EGFR: variants seen among roughly 807,000 people sequenced by gnomAD.
EGFR encodes avian erythroblastic leukemia viral (v-erb-b) oncogene homolog.
EGFR carries 58 observed loss-of-function variants against 143.0 expected under a neutral mutation model. The observed-to-expected ratio is 0.41, with a 90% CI of 0.33 to 0.50. The LOEUF is 0.50. Ranked by LOEUF, EGFR falls within the 20% of genes least tolerant of loss-of-function variation. EGFR has a pLI of 0.39. For missense variants in EGFR, 1,307 were observed against 1,579.0 expected (o/e 0.83, Z 2.92); for synonymous variants, 613 against 594.4 (o/e 1.03, Z -0.45).
At chr7:55,192,706 C>T in intron 21 of EGFR, 60 bp from the exon 22 acceptor site, 1 of 1,531,902 alleles carries the variant, frequency 6.5e-7, no homozygotes, top group Non-Finnish European at 9.0e-7. Context: ...AGTGAGTTAA[C>T]TTTTTCCAAC....
At chr7:55,115,882 A>G (rs1201733639) in intron 1 of EGFR, among the ~76,000 whole-genome samples, 1 of 152,222 alleles carries the variant, frequency 6.6e-6, no homozygotes, top group African/African-American at 2.4e-5. Context: ...GTTTGCCATA[A>G]CTTTAAGTTT....
intron 1 of EGFR, among the ~76,000 whole-genome samples, chr7:55,022,698 A>G (rs1377984763): frequency 1.3e-5 from 2 of 152,232 alleles, no homozygotes; most frequent in African/African-American, 4.8e-5. Context: ...TTAGACCCAC[A>G]CTGCCGTAGC....
intron 1 of EGFR, among the ~76,000 whole-genome samples, chr7:55,115,063 AG>A (rs1307219195): frequency 2.0e-5 from 3 of 151,920 alleles, no homozygotes; most frequent in African/African-American, 7.3e-5. Context: ...TTGTATTTTT[AG>A]TAGAGACGGG....
chr7:55,190,299 T>C (rs933920070), intron 20 of EGFR, among the ~76,000 whole-genome samples: 6 of 152,176 alleles, frequency 3.9e-5, no homozygotes, highest in African/African-American at 1.4e-4. Flanking sequence ...GAGGGGACAG[T>C]CCATGTAGTC....
At chr7:55,203,631 CCACACATA>C (rs1023986317) in intron 27 of EGFR, among the ~76,000 whole-genome samples, 12 of 139,912 alleles carry the variant, frequency 8.6e-5, no homozygotes, top group Non-Finnish European at 1.6e-4. Context: ...ACACACTACA[CCACACATA>C]CACACACACA....
intron 1 of EGFR, among the ~76,000 whole-genome samples, chr7:55,122,232 T>C (rs1009445637): frequency 2.0e-5 from 3 of 152,214 alleles, no homozygotes; most frequent in African/African-American, 7.2e-5. Flanking sequence ...TAGTCCTCCG[T>C]CGACCTTGGC....
intron 1 of EGFR, among the ~76,000 whole-genome samples, chr7:55,100,991 C>T (rs1791782822): frequency 6.6e-6 from 1 of 152,264 alleles, no homozygotes; most frequent in Admixed American, 6.5e-5. Flanking sequence ...TGCTTTTCCA[C>T]CACACAAAAC....
intron 3 of EGFR, among the ~76,000 whole-genome samples, chr7:55,145,239 G>A (rs1000116619): frequency 1.3e-5 from 2 of 152,182 alleles, no homozygotes; most frequent in Admixed American, 6.5e-5. Context: ...TCTTTGGTCT[G>A]TTGTCCGAGC....
rs41368044 is a variant in EGFR, at chr7:55,156,371, C to G, written c.1007-162C>G. Among the ~76,000 whole-genome samples, 257 of 152,352 alleles carry G rather than the reference C, an allele frequency of 1.7e-3. 2 individuals carry two copies. The highest frequency in any genetic ancestry group is 5.7e-3 in the African/African-American group (235 of 41,578). On this transcript the variant is annotated intron_variant, in intron 8 of 27. Coordinates refer to ENST00000275493, the MANE Select transcript of EGFR (RefSeq NM_005228.5). ...CTGGTGTCCCCCCTTCCCGCCTGCACTCTCCCCAGCCCCTTCAGTGTTTGT... is the reference window on the plus strand; with the variant it reads ...CTGGTGTCCCCCCTTCCCGCCTGCAGTCTCCCCAGCCCCTTCAGTGTTTGT...
At chr7:55,076,506 G>A (rs1790137708) in intron 1 of EGFR, among the ~76,000 whole-genome samples, 1 of 152,172 alleles carries the variant, frequency 6.6e-6, no homozygotes, top group African/African-American at 2.4e-5. Flanking sequence ...CACAACTAAT[G>A]TCCAGAAAAA....
At chr7:55,134,070 G>T (rs575008615) in intron 1 of EGFR, among the ~76,000 whole-genome samples, 1 of 152,226 alleles carries the variant, frequency 6.6e-6, no homozygotes, top group East Asian at 1.9e-4. Flanking sequence ...CTCACACAGA[G>T]GGATTTTGAA....
chr7:55,203,748 A>C (rs185841369), intron 27 of EGFR, among the ~76,000 whole-genome samples: 90 of 151,202 alleles, frequency 6.0e-4, no homozygotes, highest in Admixed American at 1.3e-3. Context: ...ACAGAAACAC[A>C]CATTAACACA....
intron 1 of EGFR, among the ~76,000 whole-genome samples, chr7:55,103,756 G>C (rs2128903096): frequency 6.6e-6 from 1 of 152,302 alleles, no homozygotes; most frequent in Non-Finnish European, 1.5e-5. Context: ...AAATATTCTG[G>C]AAACTGTTTC....
intron 5 of EGFR, 94 bp downstream of exon 5, chr7:55,151,456 C>A: frequency 1.5e-6 from 2 of 1,329,414 alleles, no homozygotes; most frequent in Non-Finnish European, 2.2e-6. Context: ...CTGAAGACTC[C>A]AAAGAGTTAC....
At chr7:55,142,150 G>A (rs1335519962) in intron 1 of EGFR, 136 bp from the exon 2 acceptor site, 6 of 1,021,170 alleles carry the variant, frequency 5.9e-6, no homozygotes, top group Non-Finnish European at 8.9e-6. Flanking sequence ...AGATGACCTG[G>A]GCAGGAATGG....
At chr7:55,202,905 T>A in intron 27 of EGFR, 1 of 640,820 alleles carries the variant, frequency 1.6e-6, no homozygotes. Context: ...TACACATCTG[T>A]GTGTGTGAGT....
rs1785914047 is a variant in EGFR at position 55,165,327 on chromosome 7, C to T, written c.1770C>T (p.His590=). Residue 590 remains histidine (H), a synonymous_variant, in exon 15 of 28, where the codon CAC becomes CAT. Coordinates refer to ENST00000275493, the MANE Select transcript of EGFR (RefSeq NM_005228.5). ...IQCAHYIDGP[H]CVKTCPAGVM... ...GTGCCCACTACATTGACGGCCCCCA[C>T]TGCGTCAAGACCTGCCCGGCAGGAG... 4 of 1,614,228 alleles carry T rather than the reference C, an allele frequency of 2.5e-6. No individual in the cohort carries two copies. The highest frequency in any genetic ancestry group is 3.4e-6 in the Non-Finnish European group (4 of 1,180,058).
intron 3 of EGFR, among the ~76,000 whole-genome samples, chr7:55,145,793 G>A (rs1794729460): frequency 6.6e-6 from 1 of 152,184 alleles, no homozygotes; most frequent in South Asian, 2.1e-4. Flanking sequence ...CTGTGTCAGG[G>A]TCTCCCTGGG....
At chr7:55,142,578 T>C in intron 2 of EGFR, 141 bp downstream of exon 2, 1 of 1,060,458 alleles carries the variant, frequency 9.4e-7, no homozygotes, top group African/African-American at 1.6e-5. Context: ...GAGAGTTTTA[T>C]GAGAAAGCCA....
Sources: gnomAD v4.1 joint callset for allele counts (sites outside exome capture counted in the v4.1 genomes callset) on GRCh38, gnomAD v4.1.1 for gene constraint, MANE v1.5 for transcripts, NCBI Gene and HGNC (gene_info 2026-07-23, HGNC 2026-07-21) for gene names.